Variants in SIPA1L1 observed in about 807,000 individuals in gnomAD.
SIPA1L1 encodes signal-induced proliferation-associated 1-like protein 1.
A neutral mutation model predicts 162.7 loss-of-function variants in SIPA1L1; 26 were observed. The ratio of observed to expected loss-of-function variants is 0.16; its 90% CI spans 0.12 to 0.22. The LOEUF is 0.22. Ranked by LOEUF, SIPA1L1 falls within the 10% of genes least tolerant of loss-of-function variation. The probability of loss-of-function intolerance (pLI) is 1.00; values close to 1 mark genes in which losing one functional copy is unlikely to be tolerated. For missense variants in SIPA1L1, 1,874 were observed against 2,241.0 expected, an observed-to-expected ratio of 0.84 and a Z score of 3.31; for synonymous variants, 829 against 837.4, an observed-to-expected ratio of 0.99 and a Z score of 0.17.
intron 4 of SIPA1L1, among the ~76,000 whole-genome samples, chr14:71,559,213 A>G (rs1020337445): frequency 6.6e-6 from 1 of 151,972 alleles, no homozygotes; most frequent in Non-Finnish European, 1.5e-5. Flanking sequence ...GATTACAGGC[A>G]TGCGCCACCA....
intron 13 of SIPA1L1, among the ~76,000 whole-genome samples, chr14:71,692,649 C>T (rs2149682709): frequency 6.6e-6 from 1 of 152,346 alleles, no homozygotes; most frequent in Middle Eastern, 3.4e-3. Flanking sequence ...CTTGGCACAC[C>T]TCCCAGTTCC....
chr14:71,496,131 A>C (rs1390094851), intron 2 of SIPA1L1, among the ~76,000 whole-genome samples: 1 of 151,388 alleles, frequency 6.6e-6, no homozygotes, highest in Non-Finnish European at 1.5e-5. Flanking sequence ...GCATCCCATA[A>C]ATTTTGACAT....
chr14:71,381,503 TA>T (rs900387209), intron 2 of SIPA1L1, among the ~76,000 whole-genome samples: 3 of 152,174 alleles, frequency 2.0e-5, no homozygotes, highest in African/African-American at 7.2e-5. Flanking sequence ...AAAAATAGTT[TA>T]AAAAATGGAA....
chr14:71,458,190 T>C (rs2046327940), intron 2 of SIPA1L1, among the ~76,000 whole-genome samples: 1 of 152,210 alleles, frequency 6.6e-6, no homozygotes, highest in Non-Finnish European at 1.5e-5. Context: ...TGAGTTCAAG[T>C]GTCTGATCCA....
chr14:71,708,687 A>G (rs1692016378), intron 16 of SIPA1L1, among the ~76,000 whole-genome samples: 1 of 152,056 alleles, frequency 6.6e-6, no homozygotes, highest in South Asian at 2.1e-4. Flanking sequence ...TGATAAACCT[A>G]ATTTTTTCCC....
chr14:71,330,924 A>T (rs368876679), intron 2 of SIPA1L1, among the ~76,000 whole-genome samples: 1 of 152,170 alleles, frequency 6.6e-6, no homozygotes, highest in African/African-American at 2.4e-5. Context: ...TTTTAGTTTG[A>T]TGCAGTCCCA....
At chr14:71,548,905 A>AC (rs1307467429) in intron 4 of SIPA1L1, among the ~76,000 whole-genome samples, 8 of 151,722 alleles carry the variant, frequency 5.3e-5, no homozygotes, top group African/African-American at 1.9e-4. Flanking sequence ...AAAAAAAAAA[A>AC]AGTGAAATGA....
At chr14:71,439,989 T>G (rs2044704151) in intron 2 of SIPA1L1, among the ~76,000 whole-genome samples, 1 of 152,178 alleles carries the variant, frequency 6.6e-6, no homozygotes, top group Non-Finnish European at 1.5e-5. Flanking sequence ...GAAGAAGAGG[T>G]CAGTCATATA....
At chr14:71,340,513 T>A (rs2035536984) in intron 2 of SIPA1L1, among the ~76,000 whole-genome samples, 1 of 152,226 alleles carries the variant, frequency 6.6e-6, no homozygotes, top group African/African-American at 2.4e-5. Context: ...GTAAGGAAAC[T>A]GAGAAAGGCT....
At chr14:71,373,297 C>T (rs1278619769) in intron 2 of SIPA1L1, among the ~76,000 whole-genome samples, 13 of 134,142 alleles carry the variant, frequency 9.7e-5, no homozygotes, top group African/African-American at 3.8e-4. Flanking sequence ...TGCGACAGAG[C>T]AAGACTCCGT....
At chr14:71,528,500 C>T (rs1271240463) in intron 3 of SIPA1L1, among the ~76,000 whole-genome samples, 4 of 151,630 alleles carry the variant, frequency 2.6e-5, no homozygotes, top group Non-Finnish European at 4.4e-5. Flanking sequence ...ACTAAAAATA[C>T]AAAAATTAGC....
At chr14:71,493,696 T>A (rs559968725) in intron 2 of SIPA1L1, among the ~76,000 whole-genome samples, 1 of 152,350 alleles carries the variant, frequency 6.6e-6, no homozygotes, top group African/African-American at 2.4e-5. Flanking sequence ...AGGTTATGTA[T>A]GTTCTGTTAG....
intron 14 of SIPA1L1, 70 bp from the exon 15 acceptor site, chr14:71,702,311 A>G: frequency 1.9e-6 from 3 of 1,567,824 alleles, no homozygotes; most frequent in Non-Finnish European, 2.6e-6. Context: ...AGTTCATTAC[A>G]CCCAGGACTG....
intron 4 of SIPA1L1, among the ~76,000 whole-genome samples, chr14:71,551,762 G>A (rs943512284): frequency 1.3e-5 from 2 of 152,034 alleles, no homozygotes; most frequent in Admixed American, 6.5e-5. Flanking sequence ...TTCCCCTCCA[G>A]CCACACTGGC....
chr14:71,370,471 A>G (rs912697704), intron 2 of SIPA1L1, among the ~76,000 whole-genome samples: 1 of 152,034 alleles, frequency 6.6e-6, no homozygotes. Context: ...TTGTTTCACT[A>G]TTGGGATAGA....
intron 13 of SIPA1L1, among the ~76,000 whole-genome samples, chr14:71,698,235 A>G (rs10146552): frequency 3.3e-5 from 5 of 151,974 alleles, no homozygotes; most frequent in Non-Finnish European, 7.4e-5. Flanking sequence ...TGCCTACTAG[A>G]GTAGAGGAGG....
chr14:71,363,879 T>G (rs2038033158), intron 2 of SIPA1L1, among the ~76,000 whole-genome samples: 1 of 152,176 alleles, frequency 6.6e-6, no homozygotes, highest in African/African-American at 2.4e-5. Flanking sequence ...TCAGCCTTAA[T>G]CAGATCCTGT....
At chr14:71,425,149 G>GTGT (rs1420170349) in intron 2 of SIPA1L1, among the ~76,000 whole-genome samples, 1 of 151,696 alleles carries the variant, frequency 6.6e-6, no homozygotes, top group Non-Finnish European at 1.5e-5. Flanking sequence ...TTCCCTTTTT[G>GTGT]TGTGTGTGAG....
chr14:71,737,007 C>T (rs966429075), intron 22 of SIPA1L1, among the ~76,000 whole-genome samples: 1 of 152,210 alleles, frequency 6.6e-6, no homozygotes, highest in Admixed American at 6.5e-5. Context: ...TCAGCCCACC[C>T]AAAATCGGAC....
Sources: gnomAD v4.1 joint callset for allele counts (sites outside exome capture counted in the v4.1 genomes callset) on GRCh38, gnomAD v4.1.1 for gene constraint, MANE v1.5 for transcripts, NCBI Gene and HGNC (gene_info 2026-07-23, HGNC 2026-07-21) for gene names.